PALM2AKAP2: variants seen among roughly 807,000 people sequenced by gnomAD.
PALM2AKAP2 encodes the protein PALM2 and AKAP2 fusion.
PALM2AKAP2 carries 37 observed loss-of-function variants against 71.5 expected under a neutral mutation model. The ratio of observed to expected loss-of-function variants is 0.52; its 90% CI spans 0.40 to 0.68. The LOEUF (loss-of-function observed/expected upper bound fraction) is 0.68. PALM2AKAP2 is among the 30% of genes least tolerant of loss of function. PALM2AKAP2 has a pLI of 0.00. For missense variants in PALM2AKAP2, 1,224 were observed against 1,191.8 expected (o/e 1.03, Z -0.40); for synonymous variants, 468 against 478.8 (o/e 0.98, Z 0.29).
chr9:109,727,065 G>A lies in PALM2AKAP2; in HGVS notation c.6-53423G>A, dbSNP rs548336868. The stretch of plus-strand genomic sequence containing the variant: ...ATGCATTGCACTATCTAACCATATC[G>A]CAGAAATTTTGTGTCAACAGAGAAG... On this transcript the variant is annotated intron_variant, in intron 1 of 6. Coordinates refer to the PALM2AKAP2 transcript ENST00000374531. Among the ~76,000 whole-genome samples, 88 of 152,254 alleles carry A rather than the reference G, an allele frequency of 5.8e-4. 1 individual carries two copies. In the South Asian group the frequency reaches 0.015, roughly 27 times the overall value.
chr9:109,772,942 C>G (rs1193319565), intron 1 of PALM2AKAP2, among the ~76,000 whole-genome samples: 4 of 152,194 alleles, frequency 2.6e-5, no homozygotes, highest in East Asian at 1.9e-4. Context: ...CACGGTGAAA[C>G]CCCATCTCTA....
At chr9:109,924,863 T>G (rs145089962) in intron 4 of PALM2AKAP2, among the ~76,000 whole-genome samples, 198 bp from the exon 5 acceptor site, 19 of 152,294 alleles carry the variant, frequency 1.2e-4, no homozygotes, top group African/African-American at 4.1e-4. Context: ...TGGGAGAAAT[T>G]TAGTATAAAT....
chr9:109,760,989 C>T (rs1283870273), intron 1 of PALM2AKAP2, among the ~76,000 whole-genome samples: 2 of 152,124 alleles, frequency 1.3e-5, no homozygotes, highest in South Asian at 2.1e-4. Context: ...TGAGTACCAC[C>T]TTTTGGATTG....
At chr9:109,852,075 TAA>T (rs77135262) in intron 1 of PALM2AKAP2, among the ~76,000 whole-genome samples, 1 of 150,196 alleles carries the variant, frequency 6.7e-6, no homozygotes, top group African/African-American at 2.4e-5. Flanking sequence ...GATCAGCTTT[TAA>T]AAAAAAAATA....
At chr9:109,836,867 T>A (rs1268110314) in intron 1 of PALM2AKAP2, among the ~76,000 whole-genome samples, 1 of 152,184 alleles carries the variant, frequency 6.6e-6, no homozygotes, top group East Asian at 1.9e-4. Flanking sequence ...CTCCAAGGAA[T>A]GTGCGACTAT....
chr9:109,817,373 C>T (rs1827880436), intron 1 of PALM2AKAP2, among the ~76,000 whole-genome samples: 1 of 152,130 alleles, frequency 6.6e-6, no homozygotes, highest in African/African-American at 2.4e-5. Context: ...ATGATCAGAC[C>T]AGGGAAATGC....
At chr9:109,854,552 AC>A (rs1383555872) in intron 1 of PALM2AKAP2, among the ~76,000 whole-genome samples, 1 of 152,086 alleles carries the variant, frequency 6.6e-6, no homozygotes, top group Non-Finnish European at 1.5e-5. Context: ...ATACTAGAAA[AC>A]ACAGAAGGAT....
intron 1 of PALM2AKAP2, among the ~76,000 whole-genome samples, chr9:109,853,347 G>T (rs1283894294): frequency 6.6e-6 from 1 of 152,090 alleles, no homozygotes; most frequent in Non-Finnish European, 1.5e-5. Context: ...AAAACCTTTG[G>T]CATTTCAGTG....
chr9:110,019,387 C>T (rs181803602), intron 7 of PALM2AKAP2, among the ~76,000 whole-genome samples: 1 of 152,178 alleles, frequency 6.6e-6, no homozygotes, highest in East Asian at 1.9e-4. Context: ...TAGTTCAACC[C>T]CTATGGAAAA....
chr9:109,947,080 A>C (rs1831527634), intron 6 of PALM2AKAP2, among the ~76,000 whole-genome samples: 1 of 152,272 alleles, frequency 6.6e-6, no homozygotes, highest in South Asian at 2.1e-4. Context: ...AAGAGAAGGT[A>C]GGGAATGCCC....
At chr9:109,790,261 ATTTGTAAAACCTACTCTTACT>A (rs1305739344) in intron 1 of PALM2AKAP2, among the ~76,000 whole-genome samples, 1 of 152,060 alleles carries the variant, frequency 6.6e-6, no homozygotes, top group Non-Finnish European at 1.5e-5. Flanking sequence ...TCTTGAAGGC[ATTTGTAAAACCTACTCTTACT>A]TTTTTCCTGG....
intron 1 of PALM2AKAP2, among the ~76,000 whole-genome samples, chr9:109,700,539 T>C (rs888260653): frequency 1.7e-4 from 26 of 152,318 alleles, no homozygotes; most frequent in African/African-American, 6.3e-4. Context: ...TTTTAAATGA[T>C]TTTTTGCTCA....
chr9:109,967,767 C>T (rs1198624191), intron 6 of PALM2AKAP2, among the ~76,000 whole-genome samples: 1 of 152,174 alleles, frequency 6.6e-6, no homozygotes, highest in Non-Finnish European at 1.5e-5. Flanking sequence ...GTCTCAAAAC[C>T]ACCACAATGG....
chr9:109,975,993 C>T (rs1280459586), intron 6 of PALM2AKAP2, among the ~76,000 whole-genome samples: 2 of 152,202 alleles, frequency 1.3e-5, no homozygotes, highest in Non-Finnish European at 2.9e-5. Flanking sequence ...AAACTATGGC[C>T]ATGGGCCATC....
intron 1 of PALM2AKAP2, among the ~76,000 whole-genome samples, chr9:110,097,935 G>T (rs1161436084): frequency 1.4e-5 from 2 of 141,556 alleles, no homozygotes; most frequent in Non-Finnish European, 3.0e-5. Flanking sequence ...AAGGCTGGCG[G>T]ATCACTCGTG....
At chr9:109,698,802 G>A (rs1377776825) in intron 1 of PALM2AKAP2, among the ~76,000 whole-genome samples, 2 of 152,056 alleles carry the variant, frequency 1.3e-5, no homozygotes, top group African/African-American at 2.4e-5. Flanking sequence ...GTGATGTGCC[G>A]GGCACTGTGC....
intron 1 of PALM2AKAP2, among the ~76,000 whole-genome samples, chr9:109,668,788 C>G (rs1007740200): frequency 3.9e-5 from 6 of 152,186 alleles, no homozygotes; most frequent in African/African-American, 9.7e-5. Flanking sequence ...TTTGTCTGCT[C>G]TCTTTCCATT....
At chr9:110,084,303 A>G (rs1387852091) in intron 1 of PALM2AKAP2, among the ~76,000 whole-genome samples, 5 of 152,214 alleles carry the variant, frequency 3.3e-5, no homozygotes, top group African/African-American at 4.8e-5. Context: ...CTGATCTTCA[A>G]AAGTTTCCAT....
At chr9:109,673,582 G>A (rs528828962) in intron 1 of PALM2AKAP2, among the ~76,000 whole-genome samples, 67 of 152,166 alleles carry the variant, frequency 4.4e-4, no homozygotes, top group African/African-American at 1.4e-3. Flanking sequence ...GTTGTTTTTG[G>A]TTGAAGAGTT....
Sources: gnomAD v4.1 joint callset for allele counts (sites outside exome capture counted in the v4.1 genomes callset) on GRCh38, gnomAD v4.1.1 for gene constraint, MANE v1.5 for transcripts, NCBI Gene and HGNC (gene_info 2026-07-23, HGNC 2026-07-21) for gene names.